WAC: variants seen among roughly 807,000 people sequenced by gnomAD.
WAC encodes the protein WW domain containing adaptor with coiled-coil.
WAC carries 11 observed loss-of-function variants against 79.6 expected under a neutral mutation model. The observed-to-expected ratio is 0.14, with a 90% confidence interval of 0.09 to 0.23. WAC has a LOEUF of 0.23. Ranked by LOEUF, WAC falls within the 10% of genes least tolerant of loss-of-function variation. WAC has a pLI of 1.00. For missense variants in WAC, 728 were observed against 773.5 expected, an observed-to-expected ratio of 0.94 and a Z score of 0.70; for synonymous variants, 304 against 276.9, an observed-to-expected ratio of 1.10 and a Z score of -0.97.
intron 12 of WAC, 67 bp from the exon 13 acceptor site, chr10:28,617,590 A>G (rs1410320779): frequency 7.2e-6 from 10 of 1,392,034 alleles, no homozygotes; most frequent in African/African-American, 4.5e-5. Context: ...GTACTCAGAA[A>G]TTTAATGTTT....
chr10:28,599,135 A>C (rs528810769), intron 7 of WAC, among the ~76,000 whole-genome samples: 2 of 152,156 alleles, frequency 1.3e-5, no homozygotes, highest in African/African-American at 2.4e-5. Context: ...TAAGCTTTCT[A>C]TTGACTCTTC....
At chr10:28,541,265 T>TG (rs1335191349) in intron 3 of WAC, among the ~76,000 whole-genome samples, 2 of 152,046 alleles carry the variant, frequency 1.3e-5, no homozygotes, top group Non-Finnish European at 1.5e-5. Context: ...CAGAATTGTT[T>TG]GGGGGGTAGT....
At chr10:28,558,298 G>A (rs1386228352) in intron 3 of WAC, among the ~76,000 whole-genome samples, 1 of 152,052 alleles carries the variant, frequency 6.6e-6, no homozygotes, top group African/African-American at 2.4e-5. Flanking sequence ...TTTACAATCA[G>A]ACCTTAAGCA....
chr10:28,607,575 CAAAT>C (rs1461192710), intron 7 of WAC, among the ~76,000 whole-genome samples: 1 of 152,168 alleles, frequency 6.6e-6, no homozygotes, highest in South Asian at 2.1e-4. Context: ...TAAAATGAAA[CAAAT>C]AGCTCATTGC....
chr10:28,594,511 G>C (rs1259980153), intron 6 of WAC, among the ~76,000 whole-genome samples: 1 of 152,026 alleles, frequency 6.6e-6, no homozygotes, highest in African/African-American at 2.4e-5. Context: ...TTTATAACAC[G>C]GAATTTTATG....
Position 28,567,339 on chromosome 10 carries a change from A to G in WAC, c.275-16060A>G, listed in dbSNP as rs186474661. Among the ~76,000 whole-genome samples, 22 of 151,976 alleles carry G rather than the reference A, an allele frequency of 1.4e-4. No homozygotes were observed. In the East Asian group the frequency reaches 3.1e-3, roughly 21 times the overall value. On this transcript the variant is annotated intron_variant, in intron 3 of 13. Transcript: ENST00000354911. ...TGTTTTGAGTGGATCCAGTGTGGATAGTATGATTAGATACTCTCTGATTCT... is the reference window on the plus strand; with the variant it reads ...TGTTTTGAGTGGATCCAGTGTGGATGGTATGATTAGATACTCTCTGATTCT...
At chr10:28,553,092 A>G (rs774144461) in intron 3 of WAC, among the ~76,000 whole-genome samples, 1 of 152,048 alleles carries the variant, frequency 6.6e-6, no homozygotes, top group Non-Finnish European at 1.5e-5. Flanking sequence ...TTTTCCCCCA[A>G]TGTTCATTTA....
At chr10:28,566,599 C>G (rs929662926) in intron 3 of WAC, among the ~76,000 whole-genome samples, 2 of 152,152 alleles carry the variant, frequency 1.3e-5, no homozygotes, top group Non-Finnish European at 2.9e-5. Context: ...CTTCCTATTG[C>G]TTTTACTCAT....
chr10:28,547,541 A>T (rs140683073), intron 3 of WAC, among the ~76,000 whole-genome samples: 1,965 of 152,296 alleles, frequency 0.013, 48 homozygotes, highest in African/African-American at 0.045. Context: ...ATCTCCAAAA[A>T]AAAAAAAAGA....
In WAC at chr10:28,616,231, A is replaced by T; in HGVS notation, c.1615A>T (p.Asn539Tyr). ...NHTSNSSNAS[N>Y]ATVVPQNSSA... ...TACTTCTAATAGTAGTAATGCATCA[A>T]ATGCAACAGTTGTACCACAGAATTC... Residue 539 changes from asparagine to tyrosine, a missense_variant, in exon 12 of 14, where the codon AAT becomes TAT. Transcript: ENST00000354911. 1 of 1,613,818 alleles carries T rather than the reference A, an allele frequency of 6.2e-7. No homozygotes were observed. The highest frequency in any genetic ancestry group is 8.5e-7 in the Non-Finnish European group (1 of 1,179,864).
rs1036478872 is a variant in WAC at position 28,622,964 on chromosome 10, C to T, written c.*3358C>T. On this transcript the variant is annotated 3_prime_UTR_variant, in exon 14 of 14. Coordinates refer to ENST00000354911, the MANE Select transcript of WAC (RefSeq NM_016628.5). ...ATATGGCTATATTCTTGTATTTGTACGGGAGTGTACAAAATGACACTGAAA... is the reference window on the plus strand; with the variant it reads ...ATATGGCTATATTCTTGTATTTGTATGGGAGTGTACAAAATGACACTGAAA... 1.1e-4 allele frequency: 16 copies of T among 151,988 alleles called. No individual in the cohort carries two copies. Among genetic ancestry groups the T allele is most frequent in the Non-Finnish European group, 2.2e-4 (15 of 67,990 alleles). The allele number at this position is 151,988 out of a possible 1,614,324, so 9.4% of individuals were successfully genotyped here.
At chr10:28,573,894 T>C (rs538140866) in intron 3 of WAC, among the ~76,000 whole-genome samples, 7 of 151,492 alleles carry the variant, frequency 4.6e-5, no homozygotes, top group South Asian at 2.1e-4. Context: ...TAAGAAACTA[T>C]TACTGCATTT....
intron 3 of WAC, among the ~76,000 whole-genome samples, chr10:28,540,634 A>G (rs1299888816): frequency 1.3e-5 from 2 of 152,234 alleles, no homozygotes; most frequent in Non-Finnish European, 2.9e-5. Context: ...CATTGCATAG[A>G]ATATAATACA....
At chr10:28,547,915 CTTTTTT>C (rs11408560) in intron 3 of WAC, among the ~76,000 whole-genome samples, 4 of 132,328 alleles carry the variant, frequency 3.0e-5, no homozygotes, top group Admixed American at 8.0e-5. Flanking sequence ...TTCTCTTTTT[CTTTTTT>C]TTTTTTTTTC....
intron 9 of WAC, chr10:28,611,201 T>C: frequency 8.5e-7 from 1 of 1,181,928 alleles, no homozygotes; most frequent in Non-Finnish European, 1.1e-6. Flanking sequence ...AGATTGACGT[T>C]AGATGTTTTT....
At position 28,621,304 on chromosome 10, in the gene WAC, T is replaced by C. The variant is rs1327729468; in HGVS notation, c.*1698T>C. 6.6e-6 allele frequency: 1 copy of C among 151,150 alleles called. No individual in the cohort carries two copies. Among genetic ancestry groups the C allele is most frequent in the Non-Finnish European group, 1.5e-5 (1 of 67,854 alleles). The allele number at this position is 151,150 out of a possible 1,614,324, so 9.4% of individuals were successfully genotyped here. A position where few individuals can be genotyped will look rare whatever the true frequency, so the allele number is the denominator to read the frequency against. ...GCTTATTTTTTATGTTAGACATCAA[T>C]GTCAATGTTACTACATTCTCGGATG... On this transcript the variant is annotated 3_prime_UTR_variant, in exon 14 of 14. Coordinates refer to ENST00000354911, the MANE Select transcript of WAC (RefSeq NM_016628.5).
At chr10:28,566,296 G>T (rs1838605974) in intron 3 of WAC, among the ~76,000 whole-genome samples, 1 of 152,110 alleles carries the variant, frequency 6.6e-6, no homozygotes, top group Non-Finnish European at 1.5e-5. Context: ...GTAGGGTGGG[G>T]CAAGTGTTGA....
intron 3 of WAC, among the ~76,000 whole-genome samples, chr10:28,555,700 G>T (rs943060391): frequency 1.3e-5 from 2 of 152,132 alleles, no homozygotes; most frequent in Non-Finnish European, 2.9e-5. Context: ...TTCATATATT[G>T]ATCGTATTTG....
chr10:28,559,050 G>A (rs80186621), intron 3 of WAC, among the ~76,000 whole-genome samples: 3,471 of 152,030 alleles, frequency 0.023, 144 homozygotes, highest in African/African-American at 0.078. Context: ...AACGTAGTAC[G>A]TAAATATATC....
Sources: allele counts gnomAD v4.1 joint callset (sites outside exome capture counted in the v4.1 genomes callset), GRCh38; gene constraint gnomAD v4.1.1; transcripts MANE v1.5; gene names NCBI Gene and HGNC (gene_info 2026-07-23, HGNC 2026-07-21).